Variants in CEMIP2 observed in about 807,000 individuals in gnomAD.
CEMIP2 encodes the protein cell migration inducing hyaluronidase 2.
A neutral mutation model predicts 146.9 loss-of-function variants in CEMIP2; 79 were observed. The observed-to-expected ratio is 0.54, with a 90% confidence interval of 0.45 to 0.65. The LOEUF is 0.65. Among genes scored for constraint, CEMIP2 ranks in the 30% least tolerant of loss-of-function variants. The probability of loss-of-function intolerance (pLI) is 0.00; values close to 1 mark genes in which losing one functional copy is unlikely to be tolerated. For synonymous variants in CEMIP2, 601 were observed against 606.3 expected, an observed-to-expected ratio of 0.99 and a Z score of 0.13; for missense variants, 1,596 against 1,696.2, an observed-to-expected ratio of 0.94 and a Z score of 1.04.
Position 71,712,280 on chromosome 9 carries a change from T to C in CEMIP2, c.2592-20A>G. 1 of 1,612,260 alleles carries C rather than the reference T, an allele frequency of 6.2e-7. No homozygotes were observed. Among genetic ancestry groups the C allele is most frequent in the Non-Finnish European group, 8.5e-7 (1 of 1,178,892 alleles). On this transcript the variant is annotated intron_variant, in intron 15 of 23. Transcript: ENST00000377044. ...AACGTCCTGTGGAAATACAAGATTT[T>C]GTTTAATGCATATGGGCTGTCCCCT...
intron 21 of CEMIP2, among the ~76,000 whole-genome samples, chr9:71,691,752 CCT>C (rs1822233462): frequency 1.3e-5 from 2 of 152,056 alleles, no homozygotes; most frequent in South Asian, 4.1e-4. Flanking sequence ...AGAAGGGTCA[CCT>C]GAGTCTAGGA....
At chr9:71,754,436 C>T (rs1036547352) in intron 1 of CEMIP2, among the ~76,000 whole-genome samples, 1 of 152,120 alleles carries the variant, frequency 6.6e-6, no homozygotes, top group Non-Finnish European at 1.5e-5. Context: ...TTAATAATTT[C>T]GCTACAGACC....
chr9:71,723,147 A>AAAAC (rs1227945276), intron 11 of CEMIP2, among the ~76,000 whole-genome samples: 2 of 151,558 alleles, frequency 1.3e-5, no homozygotes, highest in African/African-American at 2.4e-5. Flanking sequence ...AAAAAAAAAA[A>AAAAC]AAAAACAAAA....
chr9:71,750,496 C>T lies in CEMIP2; in HGVS notation c.-12-111G>A, dbSNP rs1343709023. 16 of 824,174 alleles carry T rather than the reference C, an allele frequency of 1.9e-5. No homozygotes were observed. The East Asian group carries it at 4.5e-4, about 23-fold the overall frequency. The allele number at this position is 824,174 out of a possible 1,614,324, so 51.1% of individuals were successfully genotyped here. A position where few individuals can be genotyped will look rare whatever the true frequency, so the allele number is the denominator to read the frequency against. ...CACTCTTGTTGCCCACACTGGAGTG[C>T]AATGGCATGATCTCGGCTCACCGCC... On this transcript the variant is annotated intron_variant, in intron 1 of 23. Coordinates refer to ENST00000377044, the MANE Select transcript of CEMIP2 (RefSeq NM_013390.3).
At chr9:71,767,392 G>A (rs1231492812) in intron 1 of CEMIP2, among the ~76,000 whole-genome samples, 1 of 152,200 alleles carries the variant, frequency 6.6e-6, no homozygotes, top group Non-Finnish European at 1.5e-5. Flanking sequence ...ATCAAGGGGA[G>A]TGAACTCAAG....
chr9:71,733,883 G>A (rs781751537), intron 6 of CEMIP2, among the ~76,000 whole-genome samples: 10 of 150,826 alleles, frequency 6.6e-5, no homozygotes, highest in Non-Finnish European at 1.3e-4. Context: ...TCGCTCTGTC[G>A]CCCAGGCTGC....
In CEMIP2 at chr9:71,725,581, C is replaced by T; in HGVS notation, c.2178G>A (p.Lys726=). The stretch of plus-strand genomic sequence containing the variant: ...TAATTGTTAAAACTTAGAAACCTAC[C>T]TTAAAATTTGAATGGACCCTGTTGT... The part of the protein sequence containing the change: ...FYNNRVHSNF[K]AGLFIDKGVK... Residue 726 remains lysine, a splice_region_variant and synonymous_variant, in exon 11 of 24, where the codon AAG becomes AAA. Transcript: ENST00000377044. 1.2e-6 allele frequency: 2 copies of T among 1,613,348 alleles called. No homozygotes were observed. Among genetic ancestry groups the T allele is most frequent in the Non-Finnish European group, 1.7e-6 (2 of 1,179,788 alleles).
intron 5 of CEMIP2, among the ~76,000 whole-genome samples, chr9:71,737,668 G>T (rs1249413901): frequency 1.3e-5 from 2 of 152,210 alleles, no homozygotes; most frequent in African/African-American, 4.8e-5. Flanking sequence ...ACCGTACCCG[G>T]CTCTGCCAAC....
At chr9:71,753,579 A>G (rs1224029597) in intron 1 of CEMIP2, among the ~76,000 whole-genome samples, 1 of 152,226 alleles carries the variant, frequency 6.6e-6, no homozygotes, top group African/African-American at 2.4e-5. Flanking sequence ...GTAAATGTAT[A>G]AGCAGCAAAT....
Position 71,728,291 on chromosome 9 carries a change from A to ATATG in CEMIP2, c.2049+1553_2049+1554insCATA, listed in dbSNP as rs1554684768. Among the ~76,000 whole-genome samples the ATATG allele has an allele frequency of 2.9e-4, 5 of 17,406 alleles. 1 individual carries two copies. Among genetic ancestry groups the ATATG allele is most frequent in the African/African-American group, 5.4e-4 (5 of 9,198 alleles). The allele number at this position is 17,406 out of a possible 152,430, so 11.4% of individuals were successfully genotyped here. The stretch of plus-strand genomic sequence containing the variant: ...TATATATATATATATGTATATATAT[A>ATATG]TATATATATACATATATATATATAT... On this transcript the variant is annotated intron_variant, in intron 10 of 23. Transcript: ENST00000377044.
intron 13 of CEMIP2, among the ~76,000 whole-genome samples, chr9:71,716,896 G>T (rs1447056560): frequency 6.6e-6 from 1 of 152,244 alleles, no homozygotes; most frequent in Non-Finnish European, 1.5e-5. Context: ...TGTTGGCAAG[G>T]TATGGTGGCT....
At chr9:71,732,686 A>ATTTTTTTTTTTTTTTTTTTTT (rs59985618) in intron 6 of CEMIP2, among the ~76,000 whole-genome samples, 166 bp from the exon 7 acceptor site, 1 of 75,878 alleles carries the variant, frequency 1.3e-5, no homozygotes, top group African/African-American at 6.2e-5. Context: ...GACACGGGGA[A>ATTTTTTTTTTTTTTTTTTTTT]TTTTTTTTTT....
intron 16 of CEMIP2, among the ~76,000 whole-genome samples, chr9:71,711,410 A>AAT (rs1822901375): frequency 1.4e-5 from 2 of 144,176 alleles, no homozygotes; most frequent in South Asian, 4.2e-4. Context: ...AAAAAAAAAA[A>AAT]TTTTTTTTAA....
At chr9:71,762,741 T>C (rs903694159) in intron 1 of CEMIP2, among the ~76,000 whole-genome samples, 1 of 152,332 alleles carries the variant, frequency 6.6e-6, no homozygotes, top group Admixed American at 6.5e-5. Context: ...ATGGGTGCAG[T>C]GGCTCACGCC....
Position 71,730,926 on chromosome 9 carries a change from G to A in CEMIP2, c.1564-12C>T, listed in dbSNP as rs1303475778. 6.2e-7 allele frequency: 1 copy of A among 1,611,398 alleles called. No homozygotes were observed. The highest frequency in any genetic ancestry group is 1.7e-5 in the Admixed American group (1 of 59,990). The stretch of plus-strand genomic sequence containing the variant: ...AAATTTTTCATTATCTGTAAGTCAA[G>A]GTACTAAAATCAAACTCATACTTTT... On this transcript the variant is annotated splice_polypyrimidine_tract_variant and intron_variant, in intron 7 of 23. Transcript: ENST00000377044.
chr9:71,725,855 G>A, intron 10 of CEMIP2, 146 bp from the exon 11 acceptor site: 1 of 864,586 alleles, frequency 1.2e-6, no homozygotes, highest in East Asian at 2.8e-5. Flanking sequence ...ACAATAAAAA[G>A]TTGTACACAC....
At chr9:71,731,189 T>G (rs1823606319) in intron 7 of CEMIP2, among the ~76,000 whole-genome samples, 1 of 152,224 alleles carries the variant, frequency 6.6e-6, no homozygotes, top group African/African-American at 2.4e-5. Context: ...AGTGTTTTGA[T>G]TTGTTCAAAT....
chr9:71,690,009 C>A (rs765140175), intron 22 of CEMIP2, 83 bp downstream of exon 22: 3 of 1,519,984 alleles, frequency 2.0e-6, no homozygotes, highest in East Asian at 4.5e-5. Context: ...AGTAAAAAAT[C>A]GGACTTGACC....
At chr9:71,711,827 TG>T (rs1822913991) in intron 16 of CEMIP2, among the ~76,000 whole-genome samples, 2 of 152,156 alleles carry the variant, frequency 1.3e-5, no homozygotes, top group Non-Finnish European at 1.5e-5. Context: ...CTACAACCTC[TG>T]TATCATCACT....
Sources: allele counts gnomAD v4.1 joint callset (sites outside exome capture counted in the v4.1 genomes callset), GRCh38; gene constraint gnomAD v4.1.1; transcripts MANE v1.5; gene names NCBI Gene and HGNC (gene_info 2026-07-23, HGNC 2026-07-21).